GRM8: variants seen among roughly 807,000 people sequenced by gnomAD.
GRM8 encodes the protein glutamate metabotropic receptor 8, also known as metabotropic glutamate receptor 8.
A neutral mutation model predicts 87.2 loss-of-function variants in GRM8; 47 were observed. The ratio of observed to expected loss-of-function variants is 0.54; its 90% CI spans 0.43 to 0.69. GRM8 has a LOEUF of 0.69. Ranked by LOEUF, GRM8 falls within the 30% of genes least tolerant of loss-of-function variation. GRM8 has a pLI of 0.00. For missense variants in GRM8, 1,019 were observed against 1,139.2 expected, an observed-to-expected ratio of 0.89 and a Z score of 1.52; for synonymous variants, 396 against 404.5, an observed-to-expected ratio of 0.98 and a Z score of 0.25.
At chr7:127,233,061 A>G (rs1797784871) in intron 2 of GRM8, among the ~76,000 whole-genome samples, 1 of 151,980 alleles carries the variant, frequency 6.6e-6, no homozygotes, top group Non-Finnish European at 1.5e-5. Context: ...TGAACTCCTG[A>G]CCTTGTGATC....
At chr7:127,123,334 G>A (rs899342735) in intron 2 of GRM8, among the ~76,000 whole-genome samples, 14 of 152,110 alleles carry the variant, frequency 9.2e-5, no homozygotes, top group African/African-American at 2.7e-4. Flanking sequence ...CATAATGGGC[G>A]GTGTTTGGGT....
chr7:127,189,455 C>T (rs1206335197), intron 2 of GRM8, among the ~76,000 whole-genome samples: 1 of 152,148 alleles, frequency 6.6e-6, no homozygotes, highest in Non-Finnish European at 1.5e-5. Flanking sequence ...GATAGAAGGA[C>T]TGTACGCCTA....
At position 126,533,166 on chromosome 7, in the gene GRM8, A is replaced by G; in HGVS notation, c.2216T>C (p.Val739Ala). ...RTLDPEKARG[V>A]LKCDISDLSL... ...GAGATCAGAAATGTCACACTTGAGC[A>G]CTCCCCTGGCCTTCTCTGGATCTAG... is the stretch of plus-strand genomic sequence containing the variant. Residue 739 changes from valine to alanine, a missense_variant, in exon 9 of 11, where the codon GTG (valine) becomes GCG (alanine). Coordinates refer to ENST00000339582, the MANE Select transcript of GRM8 (RefSeq NM_000845.3). The G allele has an allele frequency of 6.2e-7, 1 of 1,611,934 alleles. No individual in the cohort carries two copies. Among genetic ancestry groups the G allele is most frequent in the Non-Finnish European group, 8.5e-7 (1 of 1,179,520 alleles).
chr7:126,696,570 TGAGA>T (rs2092733926), intron 7 of GRM8, among the ~76,000 whole-genome samples: 1 of 152,156 alleles, frequency 6.6e-6, no homozygotes, highest in Non-Finnish European at 1.5e-5. Flanking sequence ...GAACTATTAC[TGAGA>T]GAGAGGCAGA....
intron 2 of GRM8, among the ~76,000 whole-genome samples, chr7:127,134,023 T>C (rs1301785411): frequency 6.6e-6 from 1 of 152,198 alleles, no homozygotes. Context: ...TTCGGTATTA[T>C]CTCCATTCAT....
chr7:126,897,210 C>A (rs1228041995), intron 6 of GRM8, among the ~76,000 whole-genome samples: 1 of 152,178 alleles, frequency 6.6e-6, no homozygotes, highest in African/African-American at 2.4e-5. Flanking sequence ...TGTTTAGCAG[C>A]TTAACCCACA....
At chr7:126,604,718 A>T in intron 8 of GRM8, among the ~76,000 whole-genome samples, 1 of 152,290 alleles carries the variant, frequency 6.6e-6, no homozygotes, top group Admixed American at 6.5e-5. Context: ...TGATCACCAT[A>T]TTACAATGCA....
At chr7:127,139,863 A>G (rs1373326971) in intron 2 of GRM8, among the ~76,000 whole-genome samples, 1 of 152,122 alleles carries the variant, frequency 6.6e-6, no homozygotes, top group African/African-American at 2.4e-5. Flanking sequence ...AACATAGTAA[A>G]CATTACACAG....
chr7:126,983,486 T>G (rs555380634), intron 3 of GRM8, among the ~76,000 whole-genome samples: 2 of 151,996 alleles, frequency 1.3e-5, no homozygotes, highest in East Asian at 3.9e-4. Flanking sequence ...GAAGTGGAAG[T>G]GGCACCTCTT....
In GRM8 at chr7:127,240,086, G is replaced by C. The variant is rs1241546552; in HGVS notation, c.510+2609C>G. ...GAGCTGCCCTTTCATGTGTTGGTGGGTGTCTCAAGAGATGGCCTGGGGCAT... is the reference window on the plus strand; with the variant it reads ...GAGCTGCCCTTTCATGTGTTGGTGGCTGTCTCAAGAGATGGCCTGGGGCAT... On this transcript the variant is annotated intron_variant, in intron 2 of 10. Coordinates refer to ENST00000339582, the MANE Select transcript of GRM8 (RefSeq NM_000845.3). Among the ~76,000 whole-genome samples, 3 of 152,272 alleles carry C rather than the reference G, an allele frequency of 2.0e-5. No homozygotes were observed. The East Asian group carries it at 5.8e-4, about 29-fold the overall frequency.
intron 2 of GRM8, among the ~76,000 whole-genome samples, chr7:127,127,448 TTGGCAATCAAAA>T (rs1197330649): frequency 6.6e-6 from 1 of 151,998 alleles, no homozygotes; most frequent in African/African-American, 2.4e-5. Flanking sequence ...AAAATACAAC[TTGGCAATCAAAA>T]TAAATTACTG....
In GRM8 at chr7:126,891,954, A is replaced by G. The variant is rs1801056726; in HGVS notation, c.1156+10588T>C. Reference sequence around the variant, plus strand: ...GCCTATTTGTGCCAGATGCCACCCAAGGCACTGAGATTCAGCTGTGAATGA... The same window carrying G: ...GCCTATTTGTGCCAGATGCCACCCAGGGCACTGAGATTCAGCTGTGAATGA... On this transcript the variant is annotated intron_variant, in intron 6 of 10. Coordinates refer to ENST00000339582, the MANE Select transcript of GRM8 (RefSeq NM_000845.3). Among the ~76,000 whole-genome samples the G allele has an allele frequency of 8.1e-5, 12 of 148,492 alleles. 2 individuals are homozygous for G. In the South Asian group the frequency reaches 2.6e-3, roughly 32 times the overall value.
intron 2 of GRM8, among the ~76,000 whole-genome samples, chr7:127,157,271 A>T (rs1356286379): frequency 1.3e-5 from 2 of 151,968 alleles, no homozygotes; most frequent in Admixed American, 6.6e-5. Flanking sequence ...AGAAGAGGAC[A>T]AAAGAGGACA....
intron 9 of GRM8, among the ~76,000 whole-genome samples, chr7:126,456,698 A>G (rs985916803): frequency 6.6e-6 from 1 of 151,410 alleles, no homozygotes; most frequent in Non-Finnish European, 1.5e-5. Context: ...AATCCATAAA[A>G]ACCTGAAACT....
At chr7:126,484,994 T>A (rs774393525) in intron 9 of GRM8, among the ~76,000 whole-genome samples, 2 of 152,012 alleles carry the variant, frequency 1.3e-5, no homozygotes, top group African/African-American at 2.4e-5. Context: ...GCTTAAGTCA[T>A]ACTATGGACC....
chr7:126,946,829 G>T (rs1335050676), intron 3 of GRM8, among the ~76,000 whole-genome samples: 1 of 152,188 alleles, frequency 6.6e-6, no homozygotes. Context: ...ACATTCATCA[G>T]ATGTAAAATT....
At chr7:126,993,163 G>T (rs1812840678) in intron 3 of GRM8, among the ~76,000 whole-genome samples, 1 of 151,870 alleles carries the variant, frequency 6.6e-6, no homozygotes, top group Admixed American at 6.6e-5. Context: ...ATCCCACTAG[G>T]CCTATATGAC....
At chr7:127,128,636 T>C (rs1277834046) in intron 2 of GRM8, among the ~76,000 whole-genome samples, 1 of 152,184 alleles carries the variant, frequency 6.6e-6, no homozygotes, top group Non-Finnish European at 1.5e-5. Context: ...CAGATATCAT[T>C]ATCTCTACTT....
chr7:127,212,097 G>C (rs140548348), intron 2 of GRM8, among the ~76,000 whole-genome samples: 2 of 152,226 alleles, frequency 1.3e-5, no homozygotes, highest in African/African-American at 4.8e-5. Flanking sequence ...TTTTTGGACC[G>C]GCAGAGCCAG....
Sources: allele counts gnomAD v4.1 joint callset (sites outside exome capture counted in the v4.1 genomes callset), GRCh38; gene constraint gnomAD v4.1.1; transcripts MANE v1.5; gene names NCBI Gene and HGNC (gene_info 2026-07-23, HGNC 2026-07-21).